PDE1C: variants seen among roughly 807,000 people sequenced by gnomAD.
PDE1C encodes the protein phosphodiesterase 1C, also known as dual specificity calcium/calmodulin-dependent 3',5'-cyclic nucleotide phosphodiesterase 1C.
Under a neutral mutation model 93.1 loss-of-function variants are expected in PDE1C, and 62 were observed. The ratio of observed to expected loss-of-function variants is 0.67; its 90% confidence interval spans 0.54 to 0.82. The LOEUF is 0.82. Among genes scored for constraint, PDE1C ranks in the 40% least tolerant of loss-of-function variants. The probability of loss-of-function intolerance (pLI) is 0.00; values close to 1 mark genes in which losing one functional copy is unlikely to be tolerated. For synonymous variants in PDE1C, 325 were observed against 310.1 expected (o/e 1.05, Z -0.50); for missense variants, 742 against 884.6 (o/e 0.84, Z 2.04).
chr7:31,996,830 A>T (rs1469051355), intron 2 of PDE1C, among the ~76,000 whole-genome samples: 1 of 152,242 alleles, frequency 6.6e-6, no homozygotes, highest in East Asian at 1.9e-4. Context: ...GTAGTTTAAA[A>T]AAGAGAAAAG....
chr7:31,657,749 G>A, the PDE1C span, among the ~76,000 whole-genome samples: 1 of 151,440 alleles, frequency 6.6e-6, no homozygotes, highest in South Asian at 2.1e-4. Context: ...TCACATATTT[G>A]AAAATAAATG....
At chr7:31,834,558 A>G (rs1790825140) in intron 11 of PDE1C, among the ~76,000 whole-genome samples, 1 of 152,124 alleles carries the variant, frequency 6.6e-6, no homozygotes, top group Admixed American at 6.5e-5. Context: ...TGGAGCTTTA[A>G]GATTTGACTG....
chr7:31,894,946 G>T (rs553151505), intron 2 of PDE1C, among the ~76,000 whole-genome samples: 3 of 152,194 alleles, frequency 2.0e-5, no homozygotes, highest in Admixed American at 1.3e-4. Context: ...GGAGAGAATG[G>T]ATAGCTGGGG....
At chr7:32,029,222 C>A (rs1789927161) in intron 2 of PDE1C, among the ~76,000 whole-genome samples, 1 of 142,966 alleles carries the variant, frequency 7.0e-6, no homozygotes, top group Admixed American at 7.1e-5. Flanking sequence ...AAAAGGAAAT[C>A]CTTATACATT....
intron 1 of PDE1C, among the ~76,000 whole-genome samples, chr7:32,065,160 A>G (rs1474474825): frequency 6.6e-6 from 1 of 151,978 alleles, no homozygotes; most frequent in African/African-American, 2.4e-5. Flanking sequence ...CTCTCTCCTT[A>G]GGGAATTCTC....
At chr7:31,855,718 TAAAAATAA>T (rs1283880724) in intron 7 of PDE1C, among the ~76,000 whole-genome samples, 3 of 84,638 alleles carry the variant, frequency 3.5e-5, no homozygotes. Flanking sequence ...AAATAAAAAA[TAAAAATAA>T]AAAAATAAAA....
chr7:32,132,383 G>C (rs1170463131), intron 3 of PDE1C, among the ~76,000 whole-genome samples: 4 of 152,184 alleles, frequency 2.6e-5, no homozygotes, highest in Non-Finnish European at 4.4e-5. Context: ...TATCGGTTAA[G>C]CAGGGTGCAG....
chr7:31,737,024 T>C, the PDE1C span, among the ~76,000 whole-genome samples: 128 of 152,246 alleles, frequency 8.4e-4, no homozygotes, highest in African/African-American at 2.8e-3. Flanking sequence ...TGATCATGGC[T>C]CACTGCAGCC....
chr7:31,726,189 C>G, the PDE1C span, among the ~76,000 whole-genome samples: 1 of 152,102 alleles, frequency 6.6e-6, no homozygotes, highest in Non-Finnish European at 1.5e-5. Flanking sequence ...CCGCTTTAAT[C>G]TCCCAAGAAG....
chr7:32,298,278 T>C (rs1485279596), intron 1 of PDE1C, among the ~76,000 whole-genome samples: 1 of 152,082 alleles, frequency 6.6e-6, no homozygotes, highest in African/African-American at 2.4e-5. Flanking sequence ...TGTCGCTTTC[T>C]GTCTCCCTCT....
At chr7:31,868,006 CTCT>C (rs1795505636) in intron 6 of PDE1C, among the ~76,000 whole-genome samples, 1 of 152,252 alleles carries the variant, frequency 6.6e-6, no homozygotes, top group Admixed American at 6.5e-5. Flanking sequence ...AGCCAAAGTT[CTCT>C]ACTCAACCAA....
At chr7:31,981,129 A>G (rs962123970) in intron 2 of PDE1C, among the ~76,000 whole-genome samples, 6 of 152,312 alleles carry the variant, frequency 3.9e-5, no homozygotes, top group Non-Finnish European at 7.3e-5. Context: ...CTATAAACCC[A>G]TCAAGAATAT....
intron 2 of PDE1C, among the ~76,000 whole-genome samples, chr7:31,918,016 T>C (rs962514034): frequency 6.6e-6 from 1 of 152,184 alleles, no homozygotes; most frequent in African/African-American, 2.4e-5. Context: ...TTGAAGGCCA[T>C]TCCAGTACTA....
intron 2 of PDE1C, among the ~76,000 whole-genome samples, chr7:32,198,125 T>C (rs2128827642): frequency 6.6e-6 from 1 of 152,352 alleles, no homozygotes; most frequent in South Asian, 2.1e-4. Flanking sequence ...GTATATCCTT[T>C]AGCAGTTATC....
the PDE1C span, among the ~76,000 whole-genome samples, chr7:31,662,686 G>T: frequency 6.6e-6 from 1 of 152,176 alleles, no homozygotes; most frequent in Admixed American, 6.5e-5. Flanking sequence ...TAAAATGCTA[G>T]TTACCTTATC....
intron 3 of PDE1C, among the ~76,000 whole-genome samples, chr7:32,162,671 C>T (rs188516069): frequency 6.6e-6 from 1 of 152,114 alleles, no homozygotes; most frequent in African/African-American, 2.4e-5. Context: ...AGGGTCCCTG[C>T]CATGCTCAGT....
chr7:32,125,038 C>T (rs906208978), intron 3 of PDE1C, among the ~76,000 whole-genome samples: 3 of 151,808 alleles, frequency 2.0e-5, no homozygotes, highest in African/African-American at 7.3e-5. Context: ...AAAAGCAACC[C>T]CATCAAAAAG....
intron 2 of PDE1C, among the ~76,000 whole-genome samples, chr7:32,035,653 C>T (rs772190945): frequency 5.3e-5 from 8 of 152,236 alleles, no homozygotes; most frequent in East Asian, 1.9e-4. Flanking sequence ...TATTTCCTTG[C>T]GGGGGTAAAG....
Position 32,070,263 on chromosome 7 carries a change from G to T in PDE1C, c.101+30C>A, listed in dbSNP as rs1458425504. ...TAAAATAAGGATGGGAGCGGGAAAT[G>T]GGGCAGGAGAAGTAAATAGGTATAC... On this transcript the variant is annotated intron_variant, in intron 1 of 17. Transcript: ENST00000396191. The T allele has an allele frequency of 1.9e-6, 3 of 1,613,538 alleles. No homozygotes were observed. In the African/African-American group the frequency reaches 4.0e-5, roughly 22 times the overall value.
Sources: allele counts gnomAD v4.1 joint callset (sites outside exome capture counted in the v4.1 genomes callset), GRCh38; gene constraint gnomAD v4.1.1; transcripts MANE v1.5; gene names NCBI Gene and HGNC (gene_info 2026-07-23, HGNC 2026-07-21).